The following CFAP20DC variants were observed in gnomAD, a reference collection of about 807,000 sequenced individuals.
CFAP20DC encodes protein CFAP20DC.
A neutral mutation model predicts 101.7 loss-of-function variants in CFAP20DC; 84 were observed. The ratio of observed to expected loss-of-function variants is 0.83; its 90% CI spans 0.69 to 0.99. CFAP20DC has a LOEUF of 0.99. CFAP20DC is among the 50% of genes least tolerant of loss of function. The pLI, the probability that CFAP20DC is intolerant of heterozygous loss-of-function variation, is 0.00. For synonymous variants in CFAP20DC, 359 were observed against 351.2 expected, an observed-to-expected ratio of 1.02 and a Z score of -0.25; for missense variants, 1,007 against 970.3, an observed-to-expected ratio of 1.04 and a Z score of -0.50.
intron 15 of CFAP20DC, among the ~76,000 whole-genome samples, chr3:58,762,481 C>A (rs1023549478): frequency 1.3e-5 from 2 of 152,122 alleles, no homozygotes; most frequent in African/African-American, 4.8e-5. Context: ...TGGGTCTTGA[C>A]TCTTTATCCA....
intron 13 of CFAP20DC, among the ~76,000 whole-genome samples, chr3:58,837,867 A>C (rs988296550): frequency 6.6e-6 from 1 of 152,166 alleles, no homozygotes; most frequent in Non-Finnish European, 1.5e-5. Context: ...TTCGAGGATT[A>C]ATCTTCTCTC....
At chr3:58,856,545 G>A (rs1433872857) in intron 12 of CFAP20DC, among the ~76,000 whole-genome samples, 1 of 152,164 alleles carries the variant, frequency 6.6e-6, no homozygotes, top group East Asian at 1.9e-4. Context: ...TTCCCCACCA[G>A]TCTGGGCACC....
In CFAP20DC at chr3:58,964,951, A is replaced by G. The variant is rs910577159; in HGVS notation, c.279-27189T>C. Reference sequence around the variant, plus strand: ...TTTCTAAAAAGGTTCTGCCCAACCTACTACTCACATACTCACATCTTTGGA... The same window carrying G: ...TTTCTAAAAAGGTTCTGCCCAACCTGCTACTCACATACTCACATCTTTGGA... On this transcript the variant is annotated intron_variant, in intron 4 of 16. Coordinates refer to ENST00000482387, the MANE Select transcript of CFAP20DC (RefSeq NM_001394063.1). This position sits in a 1 kb window ranked among gnomAD's most constrained non-coding sequence, Gnocchi z 4.1. Among the ~76,000 whole-genome samples the G allele has an allele frequency of 5.3e-5, 8 of 152,220 alleles. No individual in the cohort carries two copies. The highest frequency in any genetic ancestry group is 4.6e-4 in the Admixed American group (7 of 15,278).
Position 59,025,720 on chromosome 3 carries a change from T to G in CFAP20DC, c.278+13837A>C, listed in dbSNP as rs1485344631. On this transcript the variant is annotated intron_variant, in intron 4 of 16. Transcript: ENST00000482387. The stretch of plus-strand genomic sequence containing the variant: ...TGTCCCATCACAGGACCCTGACTTG[T>G]GCCCTGATAATTGATATGGCAATCA... Among the ~76,000 whole-genome samples, 3 of 152,162 alleles carry G rather than the reference T, an allele frequency of 2.0e-5. No homozygotes were observed. In the East Asian group the frequency reaches 5.8e-4, roughly 29 times the overall value.
chr3:58,884,454 A>G (rs1276321323), intron 7 of CFAP20DC, 91 bp downstream of exon 7: 2 of 1,201,608 alleles, frequency 1.7e-6, no homozygotes, highest in Non-Finnish European at 2.4e-6. Context: ...ATATAGAAGA[A>G]TGAGGTACAG....
intron 4 of CFAP20DC, among the ~76,000 whole-genome samples, chr3:59,029,625 A>G (rs2093952548): frequency 6.6e-6 from 1 of 152,110 alleles, no homozygotes; most frequent in African/African-American, 2.4e-5. Flanking sequence ...TGAGACCAGA[A>G]CACCCAGGAG....
At chr3:58,962,705 G>A (rs950414727) in intron 4 of CFAP20DC, among the ~76,000 whole-genome samples, 2 of 152,134 alleles carry the variant, frequency 1.3e-5, no homozygotes, top group African/African-American at 2.4e-5. Flanking sequence ...GGCCGTGAAC[G>A]AGCCTGGCCC....
chr3:58,758,555 T>C (rs1001109549), intron 15 of CFAP20DC, among the ~76,000 whole-genome samples: 2 of 151,026 alleles, frequency 1.3e-5, no homozygotes, highest in Admixed American at 6.6e-5. Context: ...TTATTTATTA[T>C]ACTTTAAGTT....
intron 16 of CFAP20DC, among the ~76,000 whole-genome samples, chr3:58,746,454 G>T (rs2068212401): frequency 6.6e-6 from 1 of 152,050 alleles, no homozygotes; most frequent in Non-Finnish European, 1.5e-5. Flanking sequence ...TATTAAATGA[G>T]AAAACAAAAT....
intron 6 of CFAP20DC, among the ~76,000 whole-genome samples, chr3:58,907,099 G>GTGTGTGTGTGTGTGTGTATGTA (rs1313657696): frequency 8.9e-5 from 12 of 135,198 alleles, no homozygotes; most frequent in Non-Finnish European, 1.9e-4. Flanking sequence ...TGCCTCGTGT[G>GTGTGTGTGTGTGTGTGTATGTA]TGTGTGTGTG....
intron 5 of CFAP20DC, among the ~76,000 whole-genome samples, chr3:58,921,293 T>C (rs1335067882): frequency 2.0e-5 from 3 of 152,066 alleles, no homozygotes; most frequent in African/African-American, 7.2e-5. Flanking sequence ...ATCAGTTTAA[T>C]TTCCTTGTTT....
rs1388160965 is a variant in CFAP20DC, at chr3:59,001,541, A to G, written c.278+38016T>C. On this transcript the variant is annotated intron_variant, in intron 4 of 16. Coordinates refer to ENST00000482387, the MANE Select transcript of CFAP20DC (RefSeq NM_001394063.1). The surrounding 1 kb of genome is among the most constrained non-coding windows in gnomAD (Gnocchi z 4.5). The stretch of plus-strand genomic sequence containing the variant: ...ATTCTCCTGCCTCAGCCTCCCGAAT[A>G]GCTGGGATTATAGGCATGCGCCACC... 3.3e-5 allele frequency among the ~76,000 whole-genome samples: 5 copies of G among 152,156 alleles called. No homozygotes were observed. The highest frequency in any genetic ancestry group is 1.2e-4 in the African/African-American group (5 of 41,438).
chr3:58,989,671 T>C (rs1487903019), intron 4 of CFAP20DC, among the ~76,000 whole-genome samples: 2 of 152,144 alleles, frequency 1.3e-5, no homozygotes, highest in African/African-American at 4.8e-5. Flanking sequence ...AGAGGCTCAG[T>C]TTATACTTCA....
At chr3:58,738,132 T>C (rs1009221749), downstream of CFAP20DC, among the ~76,000 whole-genome samples, 1 of 152,204 alleles carries the variant, frequency 6.6e-6, no homozygotes, top group Admixed American at 6.5e-5. The surrounding 1 kb of genome is among the most constrained non-coding windows in gnomAD (Gnocchi z 4.4). Context: ...ATGTACGAAA[T>C]AGAAATCCTA....
At chr3:58,980,555 A>G (rs1009214996) in intron 4 of CFAP20DC, among the ~76,000 whole-genome samples, 2 of 152,196 alleles carry the variant, frequency 1.3e-5, no homozygotes, top group East Asian at 1.9e-4. Context: ...TTCAATATAC[A>G]CAAATCAATA....
At chr3:58,810,231 T>C (rs6800274) in intron 14 of CFAP20DC, among the ~76,000 whole-genome samples, 18,026 of 150,866 alleles carry the variant, frequency 0.12, 1,940 homozygotes, top group East Asian at 0.35. Flanking sequence ...GATACCAAAG[T>C]TGGGCAGAGA....
chr3:58,967,081 G>A (rs2091606951), intron 4 of CFAP20DC, among the ~76,000 whole-genome samples: 1 of 152,086 alleles, frequency 6.6e-6, no homozygotes, highest in African/African-American at 2.4e-5. Flanking sequence ...AAAGTTGGAG[G>A]ACTCCCATTT....
rs144855706 is a variant in CFAP20DC at position 58,892,403 on chromosome 3, G to A, written c.551-7694C>T. On this transcript the variant is annotated intron_variant, in intron 6 of 16. Transcript: ENST00000482387. The surrounding 1 kb of genome is among the most constrained non-coding windows in gnomAD (Gnocchi z 4.0). ...ATGGCAGTTTAATGGGAATAGCACT[G>A]AATCTATAAATTACTTTGAGCAGTA... Among the ~76,000 whole-genome samples, 1 of 152,304 alleles carries A rather than the reference G, an allele frequency of 6.6e-6. No individual in the cohort carries two copies. Among genetic ancestry groups the A allele is most frequent in the African/African-American group, 2.4e-5 (1 of 41,572 alleles).
rs1042024162 is a variant in CFAP20DC at position 58,863,502 on chromosome 3, T to C, written c.1593+56A>G. The C allele has an allele frequency of 1.3e-6, 2 of 1,596,396 alleles. No homozygotes were observed. The highest frequency in any genetic ancestry group is 1.1e-5 in the South Asian group (1 of 89,074). On this transcript the variant is annotated intron_variant, in intron 12 of 16. Transcript: ENST00000482387. This position sits in a 1 kb window ranked among gnomAD's most constrained non-coding sequence, Gnocchi z 5.9. ...TCATTTCAACTTGTTTTAGTGCTTA[T>C]TGGAGCTAAGGAAACAACTGTGCTT...
Sources: allele counts gnomAD v4.1 joint callset (sites outside exome capture counted in the v4.1 genomes callset), GRCh38; gene constraint gnomAD v4.1.1; non-coding constraint Gnocchi (gnomAD v3.1); transcripts MANE v1.5; gene names NCBI Gene and HGNC (gene_info 2026-07-23, HGNC 2026-07-21).